The following FAHD1 variants were observed in gnomAD, a reference collection of about 807,000 sequenced individuals.
FAHD1 encodes the protein oxaloacetate tautomerase FAHD1, mitochondrial.
A neutral mutation model predicts 12.7 loss-of-function variants in FAHD1; 14 were observed. The observed-to-expected ratio is 1.10, with a 90% CI of 0.73 to 1.72. The LOEUF is 1.72. Among genes scored for constraint, FAHD1 ranks in the 40% most tolerant of loss-of-function variants. FAHD1 has a pLI of 0.00. For missense variants in FAHD1, 351 were observed against 298.9 expected, an observed-to-expected ratio of 1.17 and a Z score of -1.29; for synonymous variants, 153 against 124.9, an observed-to-expected ratio of 1.22 and a Z score of -1.50.
At chr16:1,835,199 A>G (rs1429871589) in intron 1 of FAHD1, among the ~76,000 whole-genome samples, 2 of 152,026 alleles carry the variant, frequency 1.3e-5, no homozygotes, top group Non-Finnish European at 2.9e-5. Flanking sequence ...AGGCTGCAGT[A>G]AGCTGTGATC....
At chr16:1,827,325 G>A in exon 1 of FAHD1, 1 of 1,613,226 alleles carries the variant, frequency 6.2e-7, no homozygotes, top group Non-Finnish European at 8.5e-7. Context: ...ACCACGTCAG[G>A]GAGATGCGCA....
At chr16:1,831,410 C>T (rs1485507871), downstream of FAHD1, among the ~76,000 whole-genome samples, 2 of 152,164 alleles carry the variant, frequency 1.3e-5, no homozygotes, top group Non-Finnish European at 2.9e-5. Flanking sequence ...ATATCAGCTT[C>T]AGTCAGCTGG....
At chr16:1,836,946 G>C (rs938854790) in intron 1 of FAHD1, among the ~76,000 whole-genome samples, 1 of 152,136 alleles carries the variant, frequency 6.6e-6, no homozygotes, top group Admixed American at 6.5e-5. Flanking sequence ...GAGAATACAA[G>C]AGAAAAGAGT....
At chr16:1,827,497 G>A (rs1230076258) in exon 1 of FAHD1, 1 of 1,612,944 alleles carries the variant, frequency 6.2e-7, no homozygotes, top group Non-Finnish European at 8.5e-7. Context: ...CGAGGCTGCG[G>A]CCATGGACTA....
downstream of FAHD1, among the ~76,000 whole-genome samples, chr16:1,832,178 C>CTTTTTTTTTT (rs57889123): frequency 3.1e-3 from 339 of 108,688 alleles, 8 homozygotes; most frequent in Middle Eastern, 0.011. Context: ...TATGGTCATT[C>CTTTTTTTTTT]TTTTTTTTTT....
chr16:1,839,535 TG>T, exon 3 of FAHD1: 3 of 1,167,626 alleles, frequency 2.6e-6, no homozygotes, highest in Non-Finnish European at 3.6e-6. Flanking sequence ...TCTACGACAG[TG>T]TGTGGAAAAC....
At chr16:1,835,618 G>T (rs565071005) in intron 1 of FAHD1, among the ~76,000 whole-genome samples, 43 of 152,236 alleles carry the variant, frequency 2.8e-4, no homozygotes, top group African/African-American at 9.9e-4. Flanking sequence ...GCTAGAACAC[G>T]TTCAGAGCTG....
downstream of FAHD1, among the ~76,000 whole-genome samples, chr16:1,833,300 G>A (rs530381471): frequency 2.0e-5 from 3 of 152,172 alleles, no homozygotes; most frequent in Admixed American, 1.3e-4. Flanking sequence ...TTTTGAAGTT[G>A]GTCTCCTCCC....
chr16:1,837,710 T>C lies in FAHD1; in HGVS notation c.628-306T>C, dbSNP rs887247183. The C allele has an allele frequency of 2.4e-5, 18 of 762,486 alleles. No homozygotes were observed. The African/African-American group carries it at 3.0e-4, about 13-fold the overall frequency. The allele number at this position is 762,486 out of a possible 1,614,324, so 47.2% of individuals were successfully genotyped here. On this transcript the variant is annotated intron_variant, in intron 1 of 2. Transcript: ENST00000382666. The stretch of plus-strand genomic sequence containing the variant: ...GAAATAATAAATTCTCGAATTTATC[T>C]AGGTTTTTCTTATGGTTTGAATATA...
exon 3 of FAHD1, chr16:1,839,705 C>G: frequency 2.7e-6 from 1 of 372,294 alleles, no homozygotes; most frequent in East Asian, 5.3e-5. Flanking sequence ...AGGTCCATCC[C>G]AGTCTCATTT....
exon 1 of FAHD1, chr16:1,828,374 A>G: frequency 3.0e-6 from 3 of 1,002,338 alleles, no homozygotes; most frequent in Non-Finnish European, 3.6e-6. Flanking sequence ...CGTGAAGTAG[A>G]ACGGGTGGGC....
At position 1,827,594 on chromosome 16, in the gene FAHD1, C is replaced by A. The variant is rs753464371; in HGVS notation, c.356C>A (p.Ala119Glu). The change falls in exon 1 of 1, where the codon GCG becomes GAG. Residue 119 changes from alanine (A) to glutamate (E), a missense_variant. Transcript: ENST00000427358. ...AAGAAGGGGCTGCCCTGGACTCTGG[C>A]GAAGAGCTTCACGGCGTCCTGCCCG... The A allele has an allele frequency of 2.4e-5, 39 of 1,613,644 alleles. No homozygotes were observed. Among genetic ancestry groups the A allele is most frequent in the Non-Finnish European group, 3.2e-5 (38 of 1,180,038 alleles).
In FAHD1 at chr16:1,827,230, A is replaced by T. The variant is rs781484943; in HGVS notation, c.-9A>T. 1.9e-6 allele frequency: 3 copies of T among 1,597,710 alleles called. No homozygotes were observed. Among genetic ancestry groups the T allele is most frequent in the East Asian group, 4.5e-5 (2 of 44,394 alleles). On this transcript the variant is annotated 5_prime_UTR_variant, in exon 1 of 1. The change abolishes an upstream ATG in the 5' untranslated region. Coordinates refer to ENST00000427358, the Ensembl canonical transcript of FAHD1. ...GCCCACGTGACTACAGGGGCACTTGATGGGAATCATGGCAGCATCCAGGCC... is the reference window on the plus strand; with the variant it reads ...GCCCACGTGACTACAGGGGCACTTGTTGGGAATCATGGCAGCATCCAGGCC...
At position 1,827,248 on chromosome 16, in the gene FAHD1, TC is replaced by T; in HGVS notation, c.12del (p.Arg5GlyfsTer32). 2 of 1,608,278 alleles carry T rather than the reference TC, an allele frequency of 1.2e-6. No homozygotes were observed. The highest frequency in any genetic ancestry group is 2.2e-5 in the South Asian group (2 of 90,972). On this transcript the variant is annotated frameshift_variant, in exon 1 of 1. Coordinates refer to ENST00000427358, the Ensembl canonical transcript of FAHD1. LOFTEE classifies it high-confidence loss of function. ...GCACTTGATGGGAATCATGGCAGCA[TC>T]CAGGCCATTGTCCCGCTTCTGGGAG... is the stretch of plus-strand genomic sequence containing the variant.
At chr16:1,827,506 T>C (rs1898509326) in exon 1 of FAHD1, 1 of 1,613,000 alleles carries the variant, frequency 6.2e-7, no homozygotes, top group Non-Finnish European at 8.5e-7. Context: ...GGCCATGGAC[T>C]ACGTGGGCGG....
chr16:1,827,523 C>T (rs759813779), exon 1 of FAHD1: 4 of 1,613,086 alleles, frequency 2.5e-6, no homozygotes, highest in Admixed American at 3.3e-5. Context: ...GCGGCTATGC[C>T]CTGTGCCTGG....
At chr16:1,829,213 G>A (rs1596954330), downstream of FAHD1, among the ~76,000 whole-genome samples, 2 of 152,140 alleles carry the variant, frequency 1.3e-5, no homozygotes, top group Admixed American at 6.6e-5. Context: ...GTTCCTGTTC[G>A]CGTTCACATC....
downstream of FAHD1, among the ~76,000 whole-genome samples, chr16:1,829,764 A>T (rs1026152863): frequency 6.6e-6 from 1 of 152,244 alleles, no homozygotes; most frequent in Non-Finnish European, 1.5e-5. Context: ...AGAGACAGCC[A>T]AAGTTAAGCA....
exon 3 of FAHD1, chr16:1,839,446 G>C: frequency 6.3e-7 from 1 of 1,599,922 alleles, no homozygotes; most frequent in Non-Finnish European, 8.5e-7. Context: ...GAACTGAAAA[G>C]AAACAAAGAC....
Sources: allele counts gnomAD v4.1 joint callset (sites outside exome capture counted in the v4.1 genomes callset), GRCh38; gene constraint gnomAD v4.1.1; transcripts MANE v1.5; gene names NCBI Gene and HGNC (gene_info 2026-07-23, HGNC 2026-07-21).